ERCC6L2: variants seen among roughly 807,000 people sequenced by gnomAD.
ERCC6L2 encodes DNA excision repair protein ERCC-6-like 2.
In ERCC6L2, 77 loss-of-function variants were observed where a neutral mutation model predicts 132.0. The observed-to-expected ratio is 0.58, with a 90% CI of 0.49 to 0.71. The LOEUF is 0.71. Ranked by LOEUF, ERCC6L2 falls within the 30% of genes least tolerant of loss-of-function variation. The pLI, the probability that ERCC6L2 is intolerant of heterozygous loss-of-function variation, is 0.00. For synonymous variants in ERCC6L2, 583 were observed against 632.4 expected, an observed-to-expected ratio of 0.92 and a Z score of 1.17; for missense variants, 1,542 against 1,837.6, an observed-to-expected ratio of 0.84 and a Z score of 2.94.
chr9:95,999,737 C>T (rs991947061), intron 17 of ERCC6L2, among the ~76,000 whole-genome samples: 13 of 151,080 alleles, frequency 8.6e-5, no homozygotes, highest in South Asian at 2.1e-4. Context: ...CTCATAGTAA[C>T]GAATGATTAT....
In ERCC6L2 at chr9:95,930,860, C is replaced by T. The variant is rs1830304924; in HGVS notation, c.1751+1996C>T. Reference sequence around the variant, plus strand: ...TGGTATTAGCATTAGCACACACCCACCCACCCTTCTACTTTTGTCACCTAT... The same window carrying T: ...TGGTATTAGCATTAGCACACACCCATCCACCCTTCTACTTTTGTCACCTAT... On this transcript the variant is annotated intron_variant, in intron 11 of 18. Transcript: ENST00000653738. Among the ~76,000 whole-genome samples the T allele has an allele frequency of 2.0e-5, 3 of 152,114 alleles. No individual in the cohort carries two copies. In the South Asian group the frequency reaches 6.2e-4, roughly 32 times the overall value.
intron 17 of ERCC6L2, among the ~76,000 whole-genome samples, chr9:95,997,912 C>T (rs1279463452): frequency 2.0e-5 from 3 of 152,182 alleles, no homozygotes; most frequent in African/African-American, 7.2e-5. Flanking sequence ...TGCAATGCAG[C>T]ATTATTTATC....
intron 15 of ERCC6L2, chr9:95,971,655 C>A: frequency 1.1e-5 from 2 of 179,534 alleles, no homozygotes; most frequent in Non-Finnish European, 2.4e-5. Flanking sequence ...TCTTAGAAGC[C>A]AAACACTCCA....
At chr9:95,911,687 A>G (rs1829347860) in intron 4 of ERCC6L2, among the ~76,000 whole-genome samples, 1 of 152,096 alleles carries the variant, frequency 6.6e-6, no homozygotes, top group African/African-American at 2.4e-5. Context: ...TACTCTGTGG[A>G]GGGGATGAAC....
Position 96,015,885 on chromosome 9 carries a change from G to A in ERCC6L2, c.*2682G>A, listed in dbSNP as rs1172424751. 6.6e-6 allele frequency among the ~76,000 whole-genome samples: 1 copy of A among 152,212 alleles called. No individual in the cohort carries two copies. Among genetic ancestry groups the A allele is most frequent in the African/African-American group, 2.4e-5 (1 of 41,448 alleles). ...GTTTAAAAATTAGTTTCCAACAGTT[G>A]TCAGTGAAATATTTATCACTATTAT... On this transcript the variant is annotated 3_prime_UTR_variant, in exon 19 of 19. Coordinates refer to ENST00000653738, the MANE Select transcript of ERCC6L2 (RefSeq NM_020207.7).
intron 13 of ERCC6L2, among the ~76,000 whole-genome samples, chr9:95,958,675 A>G (rs1831740291): frequency 6.6e-6 from 1 of 152,180 alleles, no homozygotes; most frequent in Non-Finnish European, 1.5e-5. Flanking sequence ...CAACTTCAGC[A>G]AAGTCTCAGG....
At chr9:95,969,201 C>T (rs1832299376) in intron 14 of ERCC6L2, among the ~76,000 whole-genome samples, 1 of 152,082 alleles carries the variant, frequency 6.6e-6, no homozygotes, top group Non-Finnish European at 1.5e-5. Context: ...GAGAGCCAGA[C>T]CATGCAGGAA....
At chr9:95,963,803 T>A (rs1587987787) in intron 13 of ERCC6L2, among the ~76,000 whole-genome samples, 1 of 152,064 alleles carries the variant, frequency 6.6e-6, no homozygotes, top group East Asian at 1.9e-4. Context: ...CCATTTGATG[T>A]TTCCTCATGT....
intron 11 of ERCC6L2, among the ~76,000 whole-genome samples, chr9:95,931,368 G>T (rs1404509773): frequency 6.6e-6 from 1 of 152,056 alleles, no homozygotes; most frequent in Non-Finnish European, 1.5e-5. Context: ...CAGTTTTCTA[G>T]GCCTGATAAA....
intron 17 of ERCC6L2, among the ~76,000 whole-genome samples, chr9:95,995,478 G>A (rs1291996296): frequency 6.6e-6 from 1 of 152,156 alleles, no homozygotes; most frequent in East Asian, 1.9e-4. Flanking sequence ...GACTCATTCT[G>A]TCTACTCTGG....
intron 17 of ERCC6L2, among the ~76,000 whole-genome samples, chr9:95,992,805 C>A (rs2133163568): frequency 6.6e-6 from 1 of 152,228 alleles, no homozygotes; most frequent in Middle Eastern, 3.4e-3. Context: ...GCAGTGGGTG[C>A]CTGCCAAGAA....
In ERCC6L2 at chr9:95,952,713, G is replaced by A. The variant is rs1252175022; in HGVS notation, c.1848-3201G>A. On this transcript the variant is annotated intron_variant, in intron 12 of 18. Transcript: ENST00000653738. ...TTAGCCAGCATGGTGGTACATGCCT[G>A]TAGTTCCAGCTGCTTGCTTGGGTGG... Among the ~76,000 whole-genome samples the A allele has an allele frequency of 3.9e-5, 6 of 152,226 alleles. No homozygotes were observed. The South Asian group carries it at 6.2e-4, about 16-fold the overall frequency.
At chr9:95,929,744 G>C (rs113570774) in intron 11 of ERCC6L2, among the ~76,000 whole-genome samples, 3,681 of 152,126 alleles carry the variant, frequency 0.024, 129 homozygotes, top group African/African-American at 0.074. Flanking sequence ...TTTTTCATGC[G>C]TCCTTACATA....
intron 7 of ERCC6L2, among the ~76,000 whole-genome samples, chr9:95,921,845 G>A (rs114303364): frequency 0.018 from 2,727 of 152,246 alleles, 89 homozygotes; most frequent in African/African-American, 0.061. Context: ...TGTACGTAGA[G>A]AAACCCTAAG....
chr9:96,012,913 A>G lies in ERCC6L2; in HGVS notation c.4363A>G (p.Ser1455Gly), dbSNP rs1480715835. ...TGACCTTTTTAAAAGTCATGGGAAC[A>G]GTCCCACACAACTGCCAAAGAAAGT... ...LDDLFKSHGN[S>G]PTQLPKKVLS... The change falls in exon 19 of 19, where the codon AGT becomes GGT. Residue 1455 changes from serine to glycine, a missense_variant. Coordinates refer to ENST00000653738, the MANE Select transcript of ERCC6L2 (RefSeq NM_020207.7). 1 of 1,367,484 alleles carries G rather than the reference A, an allele frequency of 7.3e-7. No individual in the cohort carries two copies. Among genetic ancestry groups the G allele is most frequent in the East Asian group, 4.5e-5 (1 of 22,008 alleles). 84.7% of individuals were successfully genotyped at this position (1,367,484 alleles called of 1,614,324 possible).
chr9:95,988,647 A>G (rs1292066506), intron 17 of ERCC6L2, among the ~76,000 whole-genome samples: 6 of 152,052 alleles, frequency 3.9e-5, no homozygotes, highest in Non-Finnish European at 8.8e-5. Flanking sequence ...GTTGAGTGGG[A>G]AAAAAAATCA....
At chr9:95,917,603 T>G (rs1829662433) in intron 6 of ERCC6L2, among the ~76,000 whole-genome samples, 1 of 152,212 alleles carries the variant, frequency 6.6e-6, no homozygotes, top group African/African-American at 2.4e-5. Flanking sequence ...TTAAAAATGT[T>G]TTATGCAACT....
At chr9:95,910,251 T>C (rs1829281684) in intron 4 of ERCC6L2, among the ~76,000 whole-genome samples, 1 of 152,192 alleles carries the variant, frequency 6.6e-6, no homozygotes, top group Non-Finnish European at 1.5e-5. Context: ...TTGAAGCTCT[T>C]TTATGAGGTG....
rs1424289618 is a variant in ERCC6L2 at position 95,971,972 on chromosome 9, C to A, written c.2221C>A (p.Gln741Lys). The change falls in exon 16 of 19, where the codon CAA (glutamine) becomes AAA (lysine). Residue 741 changes from glutamine to lysine, a missense_variant. This residue lies in a region of ERCC6L2 where 945 missense variants were observed against 1,105.2 expected (regional missense o/e 0.86). Coordinates refer to ENST00000653738, the MANE Select transcript of ERCC6L2 (RefSeq NM_020207.7). ...CTGTCAGGAATGCAGAGGTACAGAA[C>A]AAGCTGCAGAGCCACTGGCAAAGGA... The part of the protein sequence containing the change: ...PDCQECRGTE[Q>K]AAEPLAKEAC... The A allele has an allele frequency of 2.3e-6, 3 of 1,303,786 alleles. No homozygotes were observed. The highest frequency in any genetic ancestry group is 3.0e-5 in the African/African-American group (2 of 65,828). The allele number at this position is 1,303,786 out of a possible 1,614,324, so 80.8% of individuals were successfully genotyped here.
Sources: allele counts gnomAD v4.1 joint callset (sites outside exome capture counted in the v4.1 genomes callset), GRCh38; gene constraint gnomAD v4.1.1; regional missense constraint gnomAD v4.1.1; transcripts MANE v1.5; gene names NCBI Gene and HGNC (gene_info 2026-07-23, HGNC 2026-07-21).